Variants in EYS observed in about 807,000 individuals in gnomAD.
EYS encodes EGF-like photoreceptor maintenance factor.
Under a neutral mutation model 282.1 loss-of-function variants are expected in EYS, and 250 were observed. The ratio of observed to expected loss-of-function variants is 0.89; its 90% confidence interval spans 0.80 to 0.98. EYS has a LOEUF of 0.98. EYS is among the 50% of genes least tolerant of loss of function. The probability of loss-of-function intolerance (pLI) is 0.00; values close to 1 mark genes in which losing one functional copy is unlikely to be tolerated. For missense variants in EYS, 4,016 were observed against 3,709.0 expected (o/e 1.08, Z -2.15); for synonymous variants, 1,355 against 1,282.9 (o/e 1.06, Z -1.20).
intron 1 of EYS, among the ~76,000 whole-genome samples, chr6:65,694,023 C>A (rs1304619989): frequency 6.7e-6 from 1 of 150,284 alleles, no homozygotes; most frequent in Non-Finnish European, 1.5e-5. Context: ...TAGATAATAT[C>A]TAAGATCAAT....
intron 11 of EYS, among the ~76,000 whole-genome samples, chr6:65,327,340 T>C (rs1769652089): frequency 6.6e-6 from 1 of 151,718 alleles, no homozygotes. Flanking sequence ...ATTTAATAGA[T>C]GTTAATAACC....
chr6:63,768,929 A>T (rs1296244326), intron 40 of EYS, among the ~76,000 whole-genome samples: 1 of 152,154 alleles, frequency 6.6e-6, no homozygotes, highest in Non-Finnish European at 1.5e-5. Context: ...AGAAACATGA[A>T]TGCAGCTGGA....
intron 22 of EYS, among the ~76,000 whole-genome samples, chr6:64,807,300 T>C (rs1055213660): frequency 6.6e-6 from 1 of 151,922 alleles, no homozygotes; most frequent in Non-Finnish European, 1.5e-5. Context: ...AGCAATGCAT[T>C]GGATTCTGGT....
intron 2 of EYS, among the ~76,000 whole-genome samples, chr6:65,532,621 C>T (rs944698561): frequency 8.5e-5 from 13 of 152,080 alleles, no homozygotes; most frequent in Non-Finnish European, 4.4e-5. Context: ...TCCAGCAAAG[C>T]AGCCTCGATT....
In EYS at chr6:65,514,402, C is replaced by T. The variant is rs1238815695; in HGVS notation, c.-332-18409G>A. Among the ~76,000 whole-genome samples, 4 of 152,268 alleles carry T rather than the reference C, an allele frequency of 2.6e-5. No individual in the cohort carries two copies. In the East Asian group the frequency reaches 5.8e-4, roughly 22 times the overall value. ...TAGATTCAATGCCATCCCCATCAAT[C>T]TACCAATGACTTTTTTCACAGAATT... On this transcript the variant is annotated intron_variant, in intron 2 of 42. Coordinates refer to ENST00000503581, the MANE Select transcript of EYS (RefSeq NM_001142800.2).
rs544042984 is a variant in EYS at position 65,047,953 on chromosome 6, G to A, written c.2137+9661C>T. On this transcript the variant is annotated intron_variant, in intron 13 of 42. Transcript: ENST00000503581. Reference sequence around the variant, plus strand: ...AGCCAGCTTGAGGCAAAACACAGAGGGAAATGAGGTGATAAATGTATTTGC... The same window carrying A: ...AGCCAGCTTGAGGCAAAACACAGAGAGAAATGAGGTGATAAATGTATTTGC... 4.6e-5 allele frequency among the ~76,000 whole-genome samples: 7 copies of A among 151,854 alleles called. No individual in the cohort carries two copies. In the East Asian group the frequency reaches 1.4e-3, roughly 30 times the overall value.
rs55730437 is a variant in EYS, at chr6:64,714,516, C to CT, written c.3444-88272dup. 3.5e-3 allele frequency among the ~76,000 whole-genome samples: 449 copies of CT among 127,782 alleles called. 15 individuals are homozygous for CT. Among genetic ancestry groups the CT allele is most frequent in the African/African-American group, 9.8e-3 (331 of 33,742 alleles). 83.8% of individuals were successfully genotyped at this position (127,782 alleles called of 152,430 possible). On this transcript the variant is annotated intron_variant, in intron 22 of 42. Transcript: ENST00000503581. The stretch of plus-strand genomic sequence containing the variant: ...TATTTGAAACACATTTTCTTTCTTT[C>CT]TTTTTTTTTTTTTTTTTTTTTTTTT...
chr6:65,643,413 C>T (rs1767345333), intron 1 of EYS, among the ~76,000 whole-genome samples: 1 of 152,190 alleles, frequency 6.6e-6, no homozygotes, highest in Non-Finnish European at 1.5e-5. Context: ...TAAGACATGC[C>T]TATCCCTGCT....
chr6:64,563,972 C>T (rs1765482237), intron 26 of EYS, among the ~76,000 whole-genome samples: 3 of 151,606 alleles, frequency 2.0e-5, no homozygotes, highest in South Asian at 4.2e-4. Context: ...CATTTATTAT[C>T]TCAATATGGA....
At chr6:64,857,814 G>C (rs1344052497) in intron 19 of EYS, among the ~76,000 whole-genome samples, 1 of 152,098 alleles carries the variant, frequency 6.6e-6, no homozygotes, top group Non-Finnish European at 1.5e-5. Context: ...TCTAATGAGA[G>C]AGAATTAATT....
chr6:65,177,024 T>A (rs1462393670), intron 12 of EYS, among the ~76,000 whole-genome samples: 1 of 151,806 alleles, frequency 6.6e-6, no homozygotes, highest in Non-Finnish European at 1.5e-5. Flanking sequence ...GTTTTCCAAA[T>A]CATTACTTAT....
At chr6:63,994,063 G>A (rs550970411) in intron 34 of EYS, among the ~76,000 whole-genome samples, 7 of 151,988 alleles carry the variant, frequency 4.6e-5, no homozygotes, top group South Asian at 2.1e-4. Flanking sequence ...AATGGTCTTC[G>A]GAAAACTGGC....
intron 1 of EYS, among the ~76,000 whole-genome samples, chr6:65,686,248 G>A (rs887309432): frequency 1.3e-5 from 2 of 151,814 alleles, no homozygotes; most frequent in Non-Finnish European, 2.9e-5. Context: ...CGTTCTTCCC[G>A]GCTCTTCCCC....
At chr6:65,280,214 A>G (rs1768177764) in intron 12 of EYS, among the ~76,000 whole-genome samples, 1 of 152,114 alleles carries the variant, frequency 6.6e-6, no homozygotes, top group African/African-American at 2.4e-5. Context: ...CTTCCAATCC[A>G]CAAACAATGA....
chr6:65,430,968 C>T lies in EYS; in HGVS notation c.863-25601G>A, dbSNP rs550626255. 2.6e-5 allele frequency among the ~76,000 whole-genome samples: 4 copies of T among 152,236 alleles called. No homozygotes were observed. In the East Asian group the frequency reaches 5.8e-4, roughly 22 times the overall value. On this transcript the variant is annotated intron_variant, in intron 5 of 42. Coordinates refer to ENST00000503581, the MANE Select transcript of EYS (RefSeq NM_001142800.2). ...GCAGCACATTACCAACCTTGGTGGC[C>T]ATGGGGGAAAAACATCCTTCTTGAG... is the stretch of plus-strand genomic sequence containing the variant.
At chr6:65,195,519 A>T (rs1001884779) in intron 12 of EYS, among the ~76,000 whole-genome samples, 1 of 152,068 alleles carries the variant, frequency 6.6e-6, no homozygotes. Flanking sequence ...AAAAGAACTC[A>T]CAGTGATGTT....
At chr6:64,503,921 A>T (rs1212872453) in intron 26 of EYS, among the ~76,000 whole-genome samples, 1 of 152,130 alleles carries the variant, frequency 6.6e-6, no homozygotes, top group Non-Finnish European at 1.5e-5. Flanking sequence ...AGTGTGTGGC[A>T]CATCCCCCTT....
intron 33 of EYS, among the ~76,000 whole-genome samples, chr6:64,026,189 C>T (rs531627592): frequency 8.5e-5 from 13 of 152,098 alleles, no homozygotes; most frequent in South Asian, 6.2e-4. Context: ...ACAACTATTC[C>T]GATCAGCAGG....
At chr6:65,529,245 A>G (rs940582364) in intron 2 of EYS, among the ~76,000 whole-genome samples, 18 of 152,250 alleles carry the variant, frequency 1.2e-4, no homozygotes, top group African/African-American at 4.3e-4. Flanking sequence ...AATTATCTCA[A>G]CCTTATGATG....
Sources: gnomAD v4.1 joint callset for allele counts (sites outside exome capture counted in the v4.1 genomes callset) on GRCh38, gnomAD v4.1.1 for gene constraint, MANE v1.5 for transcripts, NCBI Gene and HGNC (gene_info 2026-07-23, HGNC 2026-07-21) for gene names.